Variants in ASS1 observed in about 807,000 individuals in gnomAD.
ASS1 encodes the protein argininosuccinate synthase 1.
A neutral mutation model predicts 60.5 loss-of-function variants in ASS1; 58 were observed. That is an observed-to-expected ratio of 0.96 (90% CI 0.78 to 1.19). ASS1 has a LOEUF of 1.19. Among genes scored for constraint, ASS1 ranks in the 50% most tolerant of loss-of-function variants. ASS1 has a pLI of 0.00. For synonymous variants in ASS1, 200 were observed against 206.9 expected, an observed-to-expected ratio of 0.97 and a Z score of 0.29; for missense variants, 454 against 547.3, an observed-to-expected ratio of 0.83 and a Z score of 1.70.
intron 7 of ASS1, 84 bp from the exon 8 acceptor site, chr9:130,471,401 G>T (rs1845862501): frequency 2.6e-6 from 4 of 1,536,168 alleles, no homozygotes; most frequent in Non-Finnish European, 3.6e-6. Context: ...CAGGCTCATG[G>T]GCACAATGGG....
chr9:130,467,456 GCA>G (rs1845770840), intron 6 of ASS1, among the ~76,000 whole-genome samples: 1 of 152,134 alleles, frequency 6.6e-6, no homozygotes, highest in African/African-American at 2.4e-5. Context: ...GCAACTCAGC[GCA>G]CACACCAGAA....
intron 3 of ASS1, among the ~76,000 whole-genome samples, chr9:130,457,120 A>C (rs1035290897): frequency 3.9e-5 from 6 of 152,286 alleles, no homozygotes; most frequent in Admixed American, 2.6e-4. Context: ...CATTTTTGCA[A>C]ATCTCTGTAA....
chr9:130,484,516 CTCTG>C (rs754099003), intron 11 of ASS1, among the ~76,000 whole-genome samples: 6 of 152,034 alleles, frequency 3.9e-5, no homozygotes, highest in Non-Finnish European at 5.9e-5. Context: ...CTGCTGACAC[CTCTG>C]TCTTTTTCCT....
At chr9:130,498,112 C>T (rs563815211) in intron 13 of ASS1, among the ~76,000 whole-genome samples, 63 of 152,198 alleles carry the variant, frequency 4.1e-4, no homozygotes, top group African/African-American at 1.4e-3. Context: ...GGTCAGGGCC[C>T]GGGTCCTGAA....
intron 8 of ASS1, among the ~76,000 whole-genome samples, chr9:130,472,320 G>A (rs879263929): frequency 7.2e-5 from 11 of 152,030 alleles, no homozygotes; most frequent in East Asian, 3.9e-4. Flanking sequence ...ATTGGGGAGC[G>A]CCAGAGCCCC....
chr9:130,466,591 C>A, intron 5 of ASS1, 134 bp from the exon 6 acceptor site: 1 of 840,678 alleles, frequency 1.2e-6, no homozygotes, highest in Non-Finnish European at 2.0e-6. Context: ...CTCACCCTCA[C>A]AACAGCATCC....
At chr9:130,485,880 G>A (rs1846296492) in intron 11 of ASS1, among the ~76,000 whole-genome samples, 1 of 152,202 alleles carries the variant, frequency 6.6e-6, no homozygotes, top group African/African-American at 2.4e-5. Flanking sequence ...TTTGGAGACA[G>A]AGATTTCCTG....
intron 8 of ASS1, among the ~76,000 whole-genome samples, chr9:130,472,994 G>A (rs1049864874): frequency 2.0e-5 from 3 of 152,198 alleles, no homozygotes; most frequent in Non-Finnish European, 2.9e-5. Flanking sequence ...CCCTCGGACC[G>A]TGCAGGAGGG....
At chr9:130,461,331 C>T (rs1056231668) in intron 4 of ASS1, among the ~76,000 whole-genome samples, 1 of 152,204 alleles carries the variant, frequency 6.6e-6, no homozygotes, top group African/African-American at 2.4e-5. Context: ...TGCGCCCCTC[C>T]TCCATGTGGC....
chr9:130,501,208 TG>T lies in ASS1; in HGVS notation c.*193del. Reference sequence around the variant, plus strand: ...CAAACGTTGTCATCGAAGGGAAGGGTGGGGGGCAGCTGCGGTGGGGAGCTAT... The same window carrying T: ...CAAACGTTGTCATCGAAGGGAAGGGTGGGGGCAGCTGCGGTGGGGAGCTAT... On this transcript the variant is annotated 3_prime_UTR_variant, in exon 15 of 15. Coordinates refer to ENST00000352480, the MANE Select transcript of ASS1 (RefSeq NM_054012.4). 1 of 643,824 alleles carries T rather than the reference TG, an allele frequency of 1.6e-6. No individual in the cohort carries two copies. Among genetic ancestry groups the T allele is most frequent in the Non-Finnish European group, 2.7e-6 (1 of 367,174 alleles). The allele number at this position is 643,824 out of a possible 1,614,324, so 39.9% of individuals were successfully genotyped here.
At chr9:130,445,094 C>T (rs1421477414) in intron 1 of ASS1, 99 bp downstream of exon 1, 2 of 951,676 alleles carry the variant, frequency 2.1e-6, no homozygotes, top group Non-Finnish European at 2.5e-6. Flanking sequence ...CGCCCCGGGG[C>T]CCGCGGAGGC....
In ASS1 at chr9:130,467,561, G is replaced by A. The variant is rs866433723; in HGVS notation, c.495+762G>A. 5.9e-5 allele frequency among the ~76,000 whole-genome samples: 9 copies of A among 152,282 alleles called. No homozygotes were observed. In the Middle Eastern group the frequency reaches 0.014, roughly 230 times the overall value. The stretch of plus-strand genomic sequence containing the variant: ...GCGTGGTAGGGGAGGCGGCAGGGAC[G>A]CAGCCCTGCCCCCGCCGCCAGCAAC... On this transcript the variant is annotated intron_variant, in intron 6 of 14. Transcript: ENST00000352480.
At chr9:130,472,376 C>T (rs986873955) in intron 8 of ASS1, among the ~76,000 whole-genome samples, 9 of 152,148 alleles carry the variant, frequency 5.9e-5, no homozygotes, top group East Asian at 5.8e-4. Context: ...CTCACGCCCG[C>T]GTGCCGCCCC....
intron 12 of ASS1, among the ~76,000 whole-genome samples, chr9:130,492,583 A>G (rs1196954228): frequency 6.6e-6 from 1 of 152,150 alleles, no homozygotes; most frequent in Non-Finnish European, 1.5e-5. Flanking sequence ...AGTGGCAACC[A>G]GGGTTAGCCT....
intron 1 of ASS1, among the ~76,000 whole-genome samples, chr9:130,448,372 T>C (rs1417662804): frequency 6.6e-6 from 1 of 151,334 alleles, no homozygotes; most frequent in Non-Finnish European, 1.5e-5. Flanking sequence ...TGCACACACA[T>C]TGTGTACTCT....
In ASS1 at chr9:130,491,248, G is replaced by T. The variant is rs545486925; in HGVS notation, c.970+1784G>T. Reference sequence around the variant, plus strand: ...GCAGGCTTTCCAGCCCGGCGGGATTGCGACCCCGAAAGGAGGATTTTAGTT... The same window carrying T: ...GCAGGCTTTCCAGCCCGGCGGGATTTCGACCCCGAAAGGAGGATTTTAGTT... On this transcript the variant is annotated intron_variant, in intron 12 of 14. Coordinates refer to ENST00000352480, the MANE Select transcript of ASS1 (RefSeq NM_054012.4). The surrounding 1 kb of genome is among the most constrained non-coding windows in gnomAD (Gnocchi z 5.3). 6.6e-6 allele frequency among the ~76,000 whole-genome samples: 1 copy of T among 152,262 alleles called. No individual in the cohort carries two copies. The highest frequency in any genetic ancestry group is 2.4e-5 in the African/African-American group (1 of 41,552).
chr9:130,472,234 T>C (rs2131887975), intron 8 of ASS1, among the ~76,000 whole-genome samples: 1 of 152,076 alleles, frequency 6.6e-6, no homozygotes, highest in Middle Eastern at 3.4e-3. Flanking sequence ...AGTGTGCTTT[T>C]TGAGGGGATG....
At chr9:130,455,225 TC>T (rs1440460446) in intron 3 of ASS1, among the ~76,000 whole-genome samples, 1 of 150,374 alleles carries the variant, frequency 6.7e-6, no homozygotes, top group African/African-American at 2.5e-5. Flanking sequence ...CCATCATCCA[TC>T]CGTCTATTCA....
Position 130,477,017 on chromosome 9 carries a change from T to A in ASS1, c.688+56T>A. 6.5e-7 allele frequency: 1 copy of A among 1,544,658 alleles called. No individual in the cohort carries two copies. Among genetic ancestry groups the A allele is most frequent in the East Asian group, 2.2e-5 (1 of 44,504 alleles). The stretch of plus-strand genomic sequence containing the variant: ...GGTTGACTTTTGGGGCCCTGGCTCC[T>A]TTCCCCTCCCTGCCTGGGAACCTAG... On this transcript the variant is annotated intron_variant, in intron 9 of 14. Coordinates refer to ENST00000352480, the MANE Select transcript of ASS1 (RefSeq NM_054012.4). This position sits in a 1 kb window ranked among gnomAD's most constrained non-coding sequence, Gnocchi z 4.2.
Sources: gnomAD v4.1 joint callset for allele counts (sites outside exome capture counted in the v4.1 genomes callset) on GRCh38, gnomAD v4.1.1 for gene constraint, Gnocchi (gnomAD v3.1) non-coding constraint, MANE v1.5 for transcripts, NCBI Gene and HGNC (gene_info 2026-07-23, HGNC 2026-07-21) for gene names.